Variants in EPHX1 observed in about 807,000 individuals in gnomAD.
The protein encoded by EPHX1 is epoxide hydratase.
EPHX1 carries 40 observed loss-of-function variants against 43.2 expected under a neutral mutation model. The observed-to-expected ratio is 0.93, with a 90% CI of 0.72 to 1.21. The LOEUF is 1.21. Among genes scored for constraint, EPHX1 ranks in the 50% most tolerant of loss-of-function variants. The pLI, the probability that EPHX1 is intolerant of heterozygous loss-of-function variation, is 0.00. For synonymous variants in EPHX1, 221 were observed against 226.7 expected (o/e 0.98, Z 0.22); for missense variants, 550 against 570.4 (o/e 0.96, Z 0.36).
At position 225,817,951 on chromosome 1, in the gene EPHX1, G is replaced by A. The variant is rs1486158082; in HGVS notation, c.-6+7782G>A. ...GGGGGAGGGGAGTCTTTGGGCAGGC[G>A]GTAGACCTGCCCTTTACTTTGTGTG... On this transcript the variant is annotated intron_variant, in intron 1 of 8. Transcript: ENST00000272167. The surrounding 1 kb of genome is among the most constrained non-coding windows in gnomAD (Gnocchi z 5.7). 4.6e-5 allele frequency among the ~76,000 whole-genome samples: 7 copies of A among 152,136 alleles called. No individual in the cohort carries two copies. Among genetic ancestry groups the A allele is most frequent in the African/African-American group, 2.4e-5 (1 of 41,406 alleles).
intron 1 of EPHX1, among the ~76,000 whole-genome samples, chr1:225,826,447 C>CAAAAAAAAAAA (rs374232833): frequency 1.1e-4 from 9 of 84,174 alleles, no homozygotes; most frequent in African/African-American, 2.1e-4. Context: ...GACTCTGTCT[C>CAAAAAAAAAAA]AAAAAAAAAA....
chr1:225,843,736 G>A (rs557558363), intron 7 of EPHX1, among the ~76,000 whole-genome samples: 1 of 152,354 alleles, frequency 6.6e-6, no homozygotes, highest in South Asian at 2.1e-4. Context: ...AATGGTGGTC[G>A]TGGTCGTTTT....
chr1:225,813,241 G>A (rs561871292), intron 1 of EPHX1, among the ~76,000 whole-genome samples: 1 of 152,308 alleles, frequency 6.6e-6, no homozygotes, highest in African/African-American at 2.4e-5. Context: ...CAGGGTAGGG[G>A]AGGCAAAATC....
In EPHX1 at chr1:225,831,780, A is replaced by AC. The variant is rs759135765; in HGVS notation, c.186dup (p.His64ThrfsTer6). The stretch of plus-strand genomic sequence containing the variant: ...TTGGGGTCCTGAATTTTGCTCCAGG[A>AC]CTTACACCAGAGGATCGATAAGTTC... On this transcript the variant is annotated frameshift_variant and splice_region_variant, in exon 3 of 9. Coordinates refer to ENST00000272167, the MANE Select transcript of EPHX1 (RefSeq NM_001136018.4). LOFTEE classifies it high-confidence loss of function. The AC allele has an allele frequency of 6.2e-7, 1 of 1,613,828 alleles. No homozygotes were observed. Among genetic ancestry groups the AC allele is most frequent in the South Asian group, 1.1e-5 (1 of 91,044 alleles).
chr1:225,844,070 G>GATA (rs1668675573), intron 7 of EPHX1, among the ~76,000 whole-genome samples: 1 of 152,136 alleles, frequency 6.6e-6, no homozygotes, highest in African/African-American at 2.4e-5. Flanking sequence ...GTAAAATGGA[G>GATA]ATAATAGTAC....
intron 1 of EPHX1, chr1:225,810,750 C>A (rs1271353841): frequency 9.1e-6 from 1 of 110,490 alleles, no homozygotes; most frequent in Non-Finnish European, 1.7e-5. Context: ...AAGGGGGGTT[C>A]TCTGGCGGGC....
At chr1:225,840,230 G>A (rs1668290416) in intron 6 of EPHX1, among the ~76,000 whole-genome samples, 193 bp downstream of exon 6, 1 of 152,206 alleles carries the variant, frequency 6.6e-6, no homozygotes, top group South Asian at 2.1e-4. Context: ...AGATTCCCAG[G>A]CCAATTTAGC....
intron 3 of EPHX1, among the ~76,000 whole-genome samples, chr1:225,833,907 T>A (rs1193108775): frequency 7.4e-6 from 1 of 134,532 alleles, no homozygotes; most frequent in East Asian, 2.2e-4. Flanking sequence ...ACCATCCTGG[T>A]CTAACTTGGT....
chr1:225,822,209 A>G (rs771007446), intron 1 of EPHX1, among the ~76,000 whole-genome samples: 8 of 152,178 alleles, frequency 5.3e-5, no homozygotes, highest in Non-Finnish European at 1.0e-4. Flanking sequence ...TTGTAGCTAA[A>G]TGACCACTAT....
chr1:225,842,286 A>C lies in EPHX1; in HGVS notation c.932-80A>C, dbSNP rs1272305938. On this transcript the variant is annotated intron_variant, in intron 6 of 8. Coordinates refer to ENST00000272167, the MANE Select transcript of EPHX1 (RefSeq NM_001136018.4). Reference sequence around the variant, plus strand: ...GCACACAGCCCCGCCCTCTGCGGCCAGTGCCACACATCACACCTGAAGCTC... The same window carrying C: ...GCACACAGCCCCGCCCTCTGCGGCCCGTGCCACACATCACACCTGAAGCTC... The C allele has an allele frequency of 1.6e-4, 174 of 1,073,434 alleles. 3 individuals carry two copies. The South Asian group carries it at 1.9e-3, about 12-fold the overall frequency. The allele number at this position is 1,073,434 out of a possible 1,614,324, so 66.5% of individuals were successfully genotyped here. A position where few individuals can be genotyped will look rare whatever the true frequency, so the allele number is the denominator to read the frequency against.
At chr1:225,834,960 A>G (rs1667871808) in intron 3 of EPHX1, among the ~76,000 whole-genome samples, 1 of 152,182 alleles carries the variant, frequency 6.6e-6, no homozygotes, top group Non-Finnish European at 1.5e-5. Context: ...CAATTCCAGC[A>G]CATAGTGGCG....
At chr1:225,813,429 C>T (rs1220766541) in intron 1 of EPHX1, among the ~76,000 whole-genome samples, 4 of 152,294 alleles carry the variant, frequency 2.6e-5, no homozygotes, top group East Asian at 1.9e-4. Flanking sequence ...GCAGTTCCCC[C>T]GTTAGGGGAC....
intron 3 of EPHX1, among the ~76,000 whole-genome samples, chr1:225,834,836 T>C (rs1667866027): frequency 1.3e-5 from 2 of 152,192 alleles, no homozygotes; most frequent in African/African-American, 2.4e-5. Flanking sequence ...AGCTCTTCAG[T>C]GTCCATCCAG....
chr1:225,844,739 TGCCCCAGGG>T (rs1255913214), intron 8 of EPHX1, 116 bp downstream of exon 8: 5 of 1,494,446 alleles, frequency 3.3e-6, no homozygotes, highest in East Asian at 2.4e-5. Flanking sequence ...TGCCTGCAGG[TGCCCCAGGG>T]GCCCTTGGAT....
chr1:225,840,502 G>A (rs1576032642), intron 6 of EPHX1, among the ~76,000 whole-genome samples: 1 of 152,124 alleles, frequency 6.6e-6, no homozygotes, highest in African/African-American at 2.4e-5. Flanking sequence ...TTTCAAAAAG[G>A]TAAATTTATA....
Position 225,838,766 on chromosome 1 carries a change from G to T in EPHX1, c.477G>T (p.Lys159Asn). The T allele has an allele frequency of 6.2e-7, 1 of 1,614,184 alleles. No homozygotes were observed. Among genetic ancestry groups the T allele is most frequent in the Non-Finnish European group, 8.5e-7 (1 of 1,180,040 alleles). Residue 159 changes from lysine to asparagine, a missense_variant, in exon 4 of 9, where the codon AAG becomes AAT. Coordinates refer to ENST00000272167, the MANE Select transcript of EPHX1 (RefSeq NM_001136018.4). ...GWPGSFYEFYKIIPLLTDPKN... is the reference protein window; with the variant it reads ...GWPGSFYEFYNIIPLLTDPKN... The stretch of plus-strand genomic sequence containing the variant: ...CCGGCTCTTTCTACGAGTTTTATAA[G>T]ATCATCCCACTCCTGACTGACCCCA...
chr1:225,844,491 T>G lies in EPHX1; in HGVS notation c.1041-7T>G, dbSNP rs757040424. 1 of 1,614,106 alleles carries G rather than the reference T, an allele frequency of 6.2e-7. No individual in the cohort carries two copies. Among genetic ancestry groups the G allele is most frequent in the Non-Finnish European group, 8.5e-7 (1 of 1,180,004 alleles). On this transcript the variant is annotated splice_region_variant and splice_polypyrimidine_tract_variant and intron_variant, in intron 7 of 8. Coordinates refer to ENST00000272167, the MANE Select transcript of EPHX1 (RefSeq NM_001136018.4). ...TGAGAGTGGGGCTTTGTGTTCTGCG[T>G]TCCCAGGAAGTTCTCCCTGGACGAC... is the stretch of plus-strand genomic sequence containing the variant.
chr1:225,835,889 C>T (rs191583905), intron 3 of EPHX1, among the ~76,000 whole-genome samples: 62 of 152,120 alleles, frequency 4.1e-4, no homozygotes, highest in African/African-American at 1.4e-3. Flanking sequence ...TCAGGTACAA[C>T]GGCTCCAAAA....
At chr1:225,840,362 G>T (rs748953332) in intron 6 of EPHX1, among the ~76,000 whole-genome samples, 1 of 152,210 alleles carries the variant, frequency 6.6e-6, no homozygotes, top group Admixed American at 6.5e-5. Flanking sequence ...AATCCTGGGA[G>T]TGGGCAGCTC....
Sources: gnomAD v4.1 joint callset for allele counts (sites outside exome capture counted in the v4.1 genomes callset) on GRCh38, gnomAD v4.1.1 for gene constraint, Gnocchi (gnomAD v3.1) non-coding constraint, MANE v1.5 for transcripts, NCBI Gene and HGNC (gene_info 2026-07-23, HGNC 2026-07-21) for gene names.